Variants in RP9 observed in about 807,000 individuals in gnomAD.
RP9 encodes the protein retinitis pigmentosa 9 protein.
In RP9, 23 loss-of-function variants were observed where a neutral mutation model predicts 32.6. The ratio of observed to expected loss-of-function variants is 0.71; its 90% CI spans 0.51 to 1.00. RP9 has a LOEUF of 1.00. RP9 is among the 50% of genes least tolerant of loss of function. The probability of loss-of-function intolerance (pLI) is 0.00; values close to 1 mark genes in which losing one functional copy is unlikely to be tolerated. For missense variants in RP9, 245 were observed against 285.3 expected, an observed-to-expected ratio of 0.86 and a Z score of 1.02; for synonymous variants, 94 against 103.6, an observed-to-expected ratio of 0.91 and a Z score of 0.56.
chr7:33,097,151 G>T, intron 4 of RP9, 120 bp downstream of exon 4: 1 of 760,344 alleles, frequency 1.3e-6, no homozygotes, highest in Non-Finnish European at 2.4e-6. Flanking sequence ...CACACACTTT[G>T]GTCAAAGGGC....
intron 3 of RP9, among the ~76,000 whole-genome samples, chr7:33,098,823 A>C (rs1183238599): frequency 5.3e-5 from 8 of 152,210 alleles, no homozygotes; most frequent in Admixed American, 5.2e-4. Flanking sequence ...TATCTTCTAT[A>C]AACCCATTTT....
At chr7:33,106,062 C>T (rs1174523178) in intron 1 of RP9, among the ~76,000 whole-genome samples, 1 of 151,970 alleles carries the variant, frequency 6.6e-6, no homozygotes, top group Non-Finnish European at 1.5e-5. Flanking sequence ...AACAAAGGCT[C>T]TTATTAACTA....
At chr7:33,096,714 A>G (rs1439477417) in intron 4 of RP9, among the ~76,000 whole-genome samples, 160 bp from the exon 5 acceptor site, 1 of 152,166 alleles carries the variant, frequency 6.6e-6, no homozygotes, top group African/African-American at 2.4e-5. Flanking sequence ...AAAACTCATT[A>G]AGGCTAAAAA....
chr7:33,105,815 A>G (rs968046616), intron 1 of RP9, among the ~76,000 whole-genome samples: 1 of 152,198 alleles, frequency 6.6e-6, no homozygotes, highest in African/African-American at 2.4e-5. Context: ...ATCCAAACTA[A>G]GCATAAAAAT....
intron 2 of RP9, 127 bp downstream of exon 2, chr7:33,100,404 T>C (rs1788407516): frequency 2.4e-6 from 2 of 841,994 alleles, no homozygotes; most frequent in Admixed American, 1.9e-5. Context: ...CCCTCATTCA[T>C]CTGCAGGAAA....
At chr7:33,099,488 C>T (rs1211135712) in intron 2 of RP9, 52 bp from the exon 3 acceptor site, 2 of 1,611,464 alleles carry the variant, frequency 1.2e-6, no homozygotes, top group Non-Finnish European at 1.7e-6. Context: ...GGGATTCTCT[C>T]CTGCTCCCCT....
chr7:33,098,966 G>A (rs1788383756), intron 3 of RP9: 3 of 394,238 alleles, frequency 7.6e-6, no homozygotes, highest in African/African-American at 4.1e-5. Flanking sequence ...TGGTGTCTTA[G>A]TCAGCTCGGG....
At chr7:33,097,452 A>T (rs1788355505) in intron 3 of RP9, 90 bp from the exon 4 acceptor site, 1 of 906,804 alleles carries the variant, frequency 1.1e-6, no homozygotes, top group African/African-American at 1.7e-5. Context: ...GTTTTTCTTC[A>T]TTAAACTCTA....
intron 2 of RP9, 55 bp from the exon 3 acceptor site, chr7:33,099,491 G>A (rs1788395419): frequency 6.2e-7 from 1 of 1,608,476 alleles, no homozygotes; most frequent in East Asian, 2.2e-5. Flanking sequence ...ATTCTCTCCT[G>A]CTCCCCTTGG....
intron 5 of RP9, among the ~76,000 whole-genome samples, chr7:33,096,140 T>C (rs1788331246): frequency 6.6e-6 from 1 of 152,236 alleles, no homozygotes; most frequent in African/African-American, 2.4e-5. Flanking sequence ...GGCCTAAGTA[T>C]AATTTTTAAC....
rs1379419192 is a variant in RP9, at chr7:33,109,363, G to A, written c.10C>T (p.Arg4Trp). 1.4e-6 allele frequency: 2 copies of A among 1,414,846 alleles called. No homozygotes were observed. The highest frequency in any genetic ancestry group is 2.7e-5 in the Admixed American group (1 of 37,122). The allele number at this position is 1,414,846 out of a possible 1,614,324, so 87.6% of individuals were successfully genotyped here. A position where few individuals can be genotyped will look rare whatever the true frequency, so the allele number is the denominator to read the frequency against. Residue 4 changes from arginine to tryptophan, a missense_variant, in exon 1 of 6, where the codon CGG (arginine) becomes TGG (tryptophan). By Grantham distance (101) the Arg-to-Trp change is moderately radical. Coordinates refer to ENST00000297157, the MANE Select transcript of RP9 (RefSeq NM_203288.2). The surrounding 1 kb of genome is among the most constrained non-coding windows in gnomAD (Gnocchi z 4.9). MSSRPGREDVGAAG... is the reference protein window; with the variant it reads MSSWPGREDVGAAG... ...GCCCCCACGTCCTCGCGCCCAGGCC[G>A]GGACGACATGTCAGCCCCCGCAGCG...
At position 33,094,978 on chromosome 7, in the gene RP9, T is replaced by G. The variant is rs1159942218; in HGVS notation, c.*256A>C. The G allele has an allele frequency of 3.8e-6, 2 of 529,908 alleles. No individual in the cohort carries two copies. Among genetic ancestry groups the G allele is most frequent in the Non-Finnish European group, 6.8e-6 (2 of 292,148 alleles). The allele number at this position is 529,908 out of a possible 1,614,324, so 32.8% of individuals were successfully genotyped here. A position where few individuals can be genotyped will look rare whatever the true frequency, so the allele number is the denominator to read the frequency against. ...GAGACACTTCAAAGGAATCGTAAACTCATGTGACCAGCAGGGAGGACAACG... is the reference window on the plus strand; with the variant it reads ...GAGACACTTCAAAGGAATCGTAAACGCATGTGACCAGCAGGGAGGACAACG... On this transcript the variant is annotated 3_prime_UTR_variant, in exon 6 of 6. Transcript: ENST00000297157.
chr7:33,099,034 A>G, intron 3 of RP9: 2 of 529,586 alleles, frequency 3.8e-6, no homozygotes, highest in East Asian at 3.4e-5. Context: ...TGGTTTTCTC[A>G]TTCATTCTGT....
At chr7:33,106,943 C>CA (rs887599053) in intron 1 of RP9, among the ~76,000 whole-genome samples, 1,561 of 118,536 alleles carry the variant, frequency 0.013, 17 homozygotes, top group Middle Eastern at 0.04. Context: ...GACTCCATCT[C>CA]AAAAAAAAAA....
At chr7:33,095,638 A>G (rs1369357757) in intron 5 of RP9, among the ~76,000 whole-genome samples, 1 of 152,150 alleles carries the variant, frequency 6.6e-6, no homozygotes, top group Non-Finnish European at 1.5e-5. Context: ...GCCACTTTGT[A>G]TTCTTTTTAT....
chr7:33,097,143 C>T (rs1788349132), intron 4 of RP9, 128 bp downstream of exon 4: 7 of 733,092 alleles, frequency 9.5e-6, no homozygotes, highest in Non-Finnish European at 1.5e-5. Context: ...GTTAACAGCA[C>T]ACACTTTGGT....
In RP9 at chr7:33,099,340, T is replaced by A; in HGVS notation, c.280A>T (p.Met94Leu). The A allele has an allele frequency of 6.2e-7, 1 of 1,613,638 alleles. No individual in the cohort carries two copies. Among genetic ancestry groups the A allele is most frequent in the Non-Finnish European group, 8.5e-7 (1 of 1,179,964 alleles). ...LAHAPTKGLW[M>L]PLGKEVKVMQ... ...ACTTTGACTTCTTTCCCCAGTGGCATCCAAAGTCCTTTAGTTGGTGCATGA... is the reference window on the plus strand; with the variant it reads ...ACTTTGACTTCTTTCCCCAGTGGCAACCAAAGTCCTTTAGTTGGTGCATGA... Residue 94 changes from methionine to leucine, a missense_variant, in exon 3 of 6, where the codon ATG (methionine) becomes TTG (leucine). Physicochemically the swap from Met to Leu is conservative, Grantham distance 15. Around this residue, in one of 2 missense-constraint regions of RP9, gnomAD observed 182 missense variants for 175.5 expected, o/e 1.04. Coordinates refer to ENST00000297157, the MANE Select transcript of RP9 (RefSeq NM_203288.2).
intron 1 of RP9, among the ~76,000 whole-genome samples, chr7:33,106,921 G>A (rs2128034026): frequency 6.6e-6 from 1 of 151,704 alleles, no homozygotes; most frequent in East Asian, 1.9e-4. Flanking sequence ...TCCAGCCTGG[G>A]TGACAGAGCG....
chr7:33,096,594 T>C (rs764115655), intron 4 of RP9, 40 bp from the exon 5 acceptor site: 6 of 1,377,592 alleles, frequency 4.4e-6, no homozygotes, highest in Non-Finnish European at 6.2e-6. Context: ...TTAGGCTTCA[T>C]GGATCACAAG....
Sources: allele counts gnomAD v4.1 joint callset (sites outside exome capture counted in the v4.1 genomes callset), GRCh38; gene constraint gnomAD v4.1.1; regional missense constraint gnomAD v4.1.1; non-coding constraint Gnocchi (gnomAD v3.1); transcripts MANE v1.5; gene names NCBI Gene and HGNC (gene_info 2026-07-23, HGNC 2026-07-21).